RAB11FIP5: variants seen among roughly 807,000 people sequenced by gnomAD.
RAB11FIP5 encodes RAB11 family interacting protein 5.
RAB11FIP5 carries 48 observed loss-of-function variants against 85.1 expected under a neutral mutation model. The observed-to-expected ratio is 0.56, with a 90% confidence interval of 0.45 to 0.72. RAB11FIP5 has a LOEUF of 0.72. Among genes scored for constraint, RAB11FIP5 ranks in the 30% least tolerant of loss-of-function variants. The pLI, the probability that RAB11FIP5 is intolerant of heterozygous loss-of-function variation, is 0.00. For synonymous variants in RAB11FIP5, 729 were observed against 727.3 expected (o/e 1.00, Z -0.04); for missense variants, 1,491 against 1,687.0 (o/e 0.88, Z 2.04).
Position 73,112,422 on chromosome 2 carries a change from CCGATGAG to C in RAB11FIP5, c.349_355del (p.Leu117AlafsTer55). 6.2e-7 allele frequency: 1 copy of C among 1,601,852 alleles called. No homozygotes were observed. The highest frequency in any genetic ancestry group is 1.1e-5 in the South Asian group (1 of 90,680). Reference sequence around the variant, plus strand: ...GGCCTGGCCCAGGAACTTGTCGACGCCGATGAGCGAGCGGTGCATGGTGGTGAGCACC... The same window carrying C: ...GGCCTGGCCCAGGAACTTGTCGACGCCGAGCGGTGCATGGTGGTGAGCACC... On this transcript the variant is annotated frameshift_variant, in exon 1 of 6. Transcript: ENST00000486777. LOFTEE classifies it high-confidence loss of function.
intron 1 of RAB11FIP5, among the ~76,000 whole-genome samples, chr2:73,090,568 T>TA (rs1435244309): frequency 6.6e-6 from 1 of 152,084 alleles, no homozygotes; most frequent in Non-Finnish European, 1.5e-5. Context: ...TACTTAATGA[T>TA]AAAAATAAAT....
Position 73,081,234 on chromosome 2 carries a change from G to C in RAB11FIP5, c.1998C>G (p.Ser666Arg). Residue 666 changes from serine (S) to arginine (R), a missense_variant, in exon 4 of 6, where the codon AGC (serine) becomes AGG (arginine). Ser to Arg is a moderately radical substitution (Grantham distance 110). Coordinates refer to ENST00000486777, the MANE Select transcript of RAB11FIP5 (RefSeq NM_001371272.1). This position sits in a 1 kb window ranked among gnomAD's most constrained non-coding sequence, Gnocchi z 4.2. ...CCACTCCTGCAGGGGCCAGGATCTC[G>C]CTCCTGGCCTCTGGACGCAGCCTGC... ...AASRLRPEARSEILAPAGVGL... is the reference protein window; with the variant it reads ...AASRLRPEARREILAPAGVGL... 8.1e-7 allele frequency: 1 copy of C among 1,232,294 alleles called. No individual in the cohort carries two copies. The highest frequency in any genetic ancestry group is 1.5e-5 in the African/African-American group (1 of 64,538). The allele number at this position is 1,232,294 out of a possible 1,614,324, so 76.3% of individuals were successfully genotyped here. A position where few individuals can be genotyped will look rare whatever the true frequency, so the allele number is the denominator to read the frequency against.
rs1291429363 is a variant in RAB11FIP5, at chr2:73,076,143, C to G, written c.3621G>C (p.Glu1207Asp). ...GGGACTGCTTCCTGTCGGGGCTGCCCTCCACAGGGGCGGCACTGAGGGGCT... is the reference window on the plus strand; with the variant it reads ...GGGACTGCTTCCTGTCGGGGCTGCCGTCCACAGGGGCGGCACTGAGGGGCT... The part of the protein sequence containing the change: ...PVKPLSAAPV[E>D]GSPDRKQSRS... The change falls in exon 5 of 6, where the codon GAG becomes GAC. Residue 1207 changes from glutamate to aspartate, a missense_variant. Transcript: ENST00000486777. 2.5e-6 allele frequency: 4 copies of G among 1,613,754 alleles called. No individual in the cohort carries two copies. The highest frequency in any genetic ancestry group is 3.4e-6 in the Non-Finnish European group (4 of 1,179,708).
At chr2:73,083,867 C>A (rs1684045933) in intron 3 of RAB11FIP5, among the ~76,000 whole-genome samples, 1 of 152,228 alleles carries the variant, frequency 6.6e-6, no homozygotes, top group Non-Finnish European at 1.5e-5. Flanking sequence ...AGCTGCTTCT[C>A]TCCCCAGCCC....
At chr2:73,097,841 G>A (rs1684351248) in intron 1 of RAB11FIP5, among the ~76,000 whole-genome samples, 1 of 152,220 alleles carries the variant, frequency 6.6e-6, no homozygotes, top group African/African-American at 2.4e-5. Flanking sequence ...CCAACCAGAT[G>A]TGGGACGCAT....
At chr2:73,109,481 A>G (rs748920931) in intron 1 of RAB11FIP5, among the ~76,000 whole-genome samples, 2 of 152,242 alleles carry the variant, frequency 1.3e-5, no homozygotes, top group Non-Finnish European at 2.9e-5. Context: ...AGGAAGTGGG[A>G]TAAGTAACCT....
Position 73,104,124 on chromosome 2 carries a change from G to A in RAB11FIP5, c.431+8223C>T, listed in dbSNP as rs376363404. On this transcript the variant is annotated intron_variant, in intron 1 of 5. Transcript: ENST00000486777. ...AGGGAAGAAAAAACACAACGCATTTGCCTTTAAATGCAGAAAACACCTTTG... is the reference window on the plus strand; with the variant it reads ...AGGGAAGAAAAAACACAACGCATTTACCTTTAAATGCAGAAAACACCTTTG... Among the ~76,000 whole-genome samples the A allele has an allele frequency of 1.9e-3, 289 of 152,324 alleles. 3 individuals carry two copies. Among genetic ancestry groups the A allele is most frequent in the Middle Eastern group, 6.8e-3 (2 of 294 alleles).
At chr2:73,092,811 C>T (rs1006066882) in intron 1 of RAB11FIP5, among the ~76,000 whole-genome samples, 1 of 152,164 alleles carries the variant, frequency 6.6e-6, no homozygotes, top group African/African-American at 2.4e-5. Flanking sequence ...ACCTCTGGAC[C>T]CCAGCTGCCA....
chr2:73,080,932 T>C lies in RAB11FIP5; in HGVS notation c.2300A>G (p.Asp767Gly). The C allele has an allele frequency of 8.1e-7, 1 of 1,232,658 alleles. No homozygotes were observed. Among genetic ancestry groups the C allele is most frequent in the Non-Finnish European group, 1.0e-6 (1 of 988,394 alleles). The allele number at this position is 1,232,658 out of a possible 1,614,324, so 76.4% of individuals were successfully genotyped here. The change falls in exon 4 of 6, where the codon GAC (aspartate) becomes GGC (glycine). Residue 767 changes from aspartate (D) to glycine (G), a missense_variant. Asp to Gly is a moderately conservative substitution (Grantham distance 94). Transcript: ENST00000486777. ...LQLRASGSEP[D>G]RELPAPEVEA... is the part of the protein sequence containing the mutation. ...CACTTCCGGGGCTGGCAGTTCCCTGTCTGGTTCTGAGCCTGAGGCTCTCAG... is the reference window on the plus strand; with the variant it reads ...CACTTCCGGGGCTGGCAGTTCCCTGCCTGGTTCTGAGCCTGAGGCTCTCAG...
chr2:73,082,347 G>A (rs552147982), intron 3 of RAB11FIP5, among the ~76,000 whole-genome samples: 1 of 152,122 alleles, frequency 6.6e-6, no homozygotes, highest in South Asian at 2.1e-4. Flanking sequence ...CAGCTGGCAT[G>A]GGGGGATAAA....
At chr2:73,106,490 C>A (rs139176264) in intron 1 of RAB11FIP5, among the ~76,000 whole-genome samples, 98 of 152,336 alleles carry the variant, frequency 6.4e-4, no homozygotes, top group African/African-American at 1.3e-3. Context: ...GGCTTCCCCC[C>A]CTTTGGAATC....
intron 1 of RAB11FIP5, among the ~76,000 whole-genome samples, chr2:73,095,348 A>G (rs1684296682): frequency 6.6e-6 from 1 of 152,364 alleles, no homozygotes; most frequent in Middle Eastern, 3.4e-3. Flanking sequence ...CAGAAGACAC[A>G]CATCAGTGCT....
rs888760904 is a variant in RAB11FIP5 at position 73,080,383 on chromosome 2, T to C, written c.2849A>G (p.Lys950Arg). ...SALVVGPPETKEEGEKRESEE... is the reference protein window; with the variant it reads ...SALVVGPPETREEGEKRESEE... ...CGACTCACGCTTCTCTCCCTCCTCC[T>C]TGGTCTCCGGGGGACCGACAACCAG... Residue 950 changes from lysine (K) to arginine (R), a missense_variant, in exon 4 of 6, where the codon AAG becomes AGG. By Grantham distance (26) the Lys-to-Arg change is conservative (BLOSUM62 2). Transcript: ENST00000486777. 1.6e-6 allele frequency: 2 copies of C among 1,232,990 alleles called. No homozygotes were observed. The highest frequency in any genetic ancestry group is 4.1e-5 in the South Asian group (1 of 24,320). The allele number at this position is 1,232,990 out of a possible 1,614,324, so 76.4% of individuals were successfully genotyped here.
rs1683985417 is a variant in RAB11FIP5, at chr2:73,081,563, CAGTGGGAGCAGG to C, written c.1657_1668del (p.Pro553_Thr556del). The C allele has an allele frequency of 2.5e-6, 3 of 1,204,282 alleles. No individual in the cohort carries two copies. The highest frequency in any genetic ancestry group is 4.2e-5 in the South Asian group (1 of 23,886). The allele number at this position is 1,204,282 out of a possible 1,614,324, so 74.6% of individuals were successfully genotyped here. A position where few individuals can be genotyped will look rare whatever the true frequency, so the allele number is the denominator to read the frequency against. On this transcript the variant is annotated inframe_deletion, in exon 4 of 6. Transcript: ENST00000486777. The surrounding 1 kb of genome is among the most constrained non-coding windows in gnomAD (Gnocchi z 4.2). ...AGGTTAGTGCTTAGCATGGGAGCAG[CAGTGGGAGCAGG>C]AGTGGGAGGGGCCGGAGCCCAGGGG... is the stretch of plus-strand genomic sequence containing the variant.
intron 1 of RAB11FIP5, among the ~76,000 whole-genome samples, chr2:73,090,327 T>C (rs1471913328): frequency 6.6e-6 from 1 of 152,220 alleles, no homozygotes; most frequent in Non-Finnish European, 1.5e-5. Context: ...GATGTTCTTA[T>C]GCAGGGGTTG....
intron 4 of RAB11FIP5, among the ~76,000 whole-genome samples, chr2:73,076,673 T>A (rs1489788886): frequency 6.6e-6 from 1 of 152,154 alleles, no homozygotes; most frequent in Non-Finnish European, 1.5e-5. Flanking sequence ...GTCAACCAGC[T>A]CTCTCTAGGG....
Position 73,088,583 on chromosome 2 carries a change from A to G in RAB11FIP5, c.1035T>C (p.Asn345=). Residue 345 remains asparagine, a synonymous_variant, in exon 3 of 6, where the codon AAT becomes AAC. Transcript: ENST00000486777. The part of the protein sequence containing the change: ...SLCVNGSHIY[N]EEPQGPVRHR... ...GCCGCACAGGGCCCTGGGGCTCCTC[A>G]TTGTAAATGTGGCTCCCATTGACAC... is the stretch of plus-strand genomic sequence containing the variant. 2.5e-6 allele frequency: 4 copies of G among 1,613,752 alleles called. No homozygotes were observed. The highest frequency in any genetic ancestry group is 3.4e-6 in the Non-Finnish European group (4 of 1,180,038).
intron 1 of RAB11FIP5, among the ~76,000 whole-genome samples, chr2:73,098,135 T>C (rs1684358774): frequency 6.6e-6 from 1 of 152,206 alleles, no homozygotes; most frequent in Non-Finnish European, 1.5e-5. Context: ...GCTGGCTGTG[T>C]GACCTCATAT....
At chr2:73,093,533 C>A (rs970496180) in intron 1 of RAB11FIP5, among the ~76,000 whole-genome samples, 9 of 152,222 alleles carry the variant, frequency 5.9e-5, no homozygotes, top group African/African-American at 1.9e-4. Context: ...TACAACCCTG[C>A]AGGGCCCTCT....
Sources: allele counts gnomAD v4.1 joint callset (sites outside exome capture counted in the v4.1 genomes callset), GRCh38; gene constraint gnomAD v4.1.1; non-coding constraint Gnocchi (gnomAD v3.1); transcripts MANE v1.5; gene names NCBI Gene and HGNC (gene_info 2026-07-23, HGNC 2026-07-21).